The following PLAT variants were observed in gnomAD, a reference collection of about 807,000 sequenced individuals.
PLAT encodes tissue-type plasminogen activator.
Under a neutral mutation model 74.9 loss-of-function variants are expected in PLAT, and 48 were observed. That is an observed-to-expected ratio of 0.64 (90% confidence interval 0.51 to 0.82). PLAT has a LOEUF of 0.82. Ranked by LOEUF, PLAT falls within the 40% of genes least tolerant of loss-of-function variation. The pLI is 0.00. For synonymous variants in PLAT, 307 were observed against 294.4 expected (o/e 1.04, Z -0.44); for missense variants, 673 against 736.2 (o/e 0.91, Z 0.99).
At chr8:42,176,408 G>A (rs1360163784) in intron 13 of PLAT, among the ~76,000 whole-genome samples, 2 of 152,188 alleles carry the variant, frequency 1.3e-5, no homozygotes, top group Non-Finnish European at 2.9e-5. Flanking sequence ...GCCAACTGAG[G>A]ATGTATCTAC....
intron 1 of PLAT, among the ~76,000 whole-genome samples, chr8:42,203,464 C>G (rs1049724646): frequency 6.6e-6 from 1 of 152,178 alleles, no homozygotes; most frequent in Non-Finnish European, 1.5e-5. Flanking sequence ...CAGCCATGAT[C>G]AGCACCACAA....
chr8:42,175,712 T>A lies in PLAT; in HGVS notation c.*281A>T, dbSNP rs1348326217. 6 of 330,246 alleles carry A rather than the reference T, an allele frequency of 1.8e-5. No homozygotes were observed. The highest frequency in any genetic ancestry group is 3.4e-5 in the Non-Finnish European group (6 of 178,928). The allele number at this position is 330,246 out of a possible 1,614,324, so 20.5% of individuals were successfully genotyped here. A position where few individuals can be genotyped will look rare whatever the true frequency, so the allele number is the denominator to read the frequency against. On this transcript the variant is annotated 3_prime_UTR_variant, in exon 14 of 14. Coordinates refer to ENST00000220809, the MANE Select transcript of PLAT (RefSeq NM_000930.5). ...GGCTTTAGCTGAAAACAGGGTGGCA[T>A]GGCCACTTTCTGCCCAGGGAGGAGG...
chr8:42,194,241 A>AGAGAGAGAGAGAGAGAGAGAGAGAGT (rs1419569830), intron 1 of PLAT, among the ~76,000 whole-genome samples: 1 of 52,544 alleles, frequency 1.9e-5, no homozygotes, highest in African/African-American at 6.7e-5. Flanking sequence ...AGAGAGAGAG[A>AGAGAGAGAGAGAGAGAGAGAGAGAGT]GTGTGTGTGT....
At chr8:42,190,244 TG>T (rs1259766193) in intron 3 of PLAT, among the ~76,000 whole-genome samples, 3 of 152,192 alleles carry the variant, frequency 2.0e-5, no homozygotes, top group African/African-American at 7.2e-5. Flanking sequence ...TTTTTCTCAT[TG>T]TAATTCACCA....
chr8:42,180,494 C>T lies in PLAT; in HGVS notation c.1081G>A (p.Glu361Lys), dbSNP rs1202773758. 1 of 1,614,072 alleles carries T rather than the reference C, an allele frequency of 6.2e-7. No homozygotes were observed. The highest frequency in any genetic ancestry group is 8.5e-7 in the Non-Finnish European group (1 of 1,180,048). ...ACTGGGTTTCCGAGCCCCTACCTCT[C>T]CTGGAAGCAGTGGGCGGCAGAGAGA... ...WILSAAHCFQ[E>K]RFPPHHLTVI... The change falls in exon 10 of 14, where the codon GAG (glutamate) becomes AAG (lysine). Residue 361 changes from glutamate (E) to lysine (K), a missense_variant. Physicochemically the swap from Glu to Lys is moderately conservative, Grantham distance 56 (BLOSUM62 1). Transcript: ENST00000220809.
intron 1 of PLAT, among the ~76,000 whole-genome samples, chr8:42,202,333 C>T (rs527359980): frequency 1.3e-5 from 2 of 152,210 alleles, no homozygotes; most frequent in East Asian, 3.9e-4. Context: ...TGTGCCCGGC[C>T]TCTGTTAGCT....
intron 3 of PLAT, among the ~76,000 whole-genome samples, chr8:42,189,466 C>T (rs1208303107): frequency 8.0e-5 from 12 of 150,866 alleles, no homozygotes; most frequent in African/African-American, 2.2e-4. Context: ...TGCAGTGAGC[C>T]GAGATTGTAC....
chr8:42,180,126 A>G (rs1036478598), intron 11 of PLAT, 60 bp from the exon 12 acceptor site: 267 of 1,587,124 alleles, frequency 1.7e-4, no homozygotes, highest in Non-Finnish European at 2.1e-4. Context: ...GAGGGGAGGA[A>G]CACGCAGGAG....
At chr8:42,194,349 C>T (rs183888705) in intron 1 of PLAT, among the ~76,000 whole-genome samples, 4 of 151,366 alleles carry the variant, frequency 2.6e-5, no homozygotes, top group African/African-American at 9.7e-5. Context: ...GATCCTCCTT[C>T]CTCAGCCTCC....
intron 1 of PLAT, among the ~76,000 whole-genome samples, chr8:42,203,992 T>TATATATATATACACACACACAC (rs1554499838): frequency 9.1e-6 from 1 of 109,894 alleles, no homozygotes; most frequent in African/African-American, 5.2e-5. Context: ...TATATATATA[T>TATATATATATACACACACACAC]ACACACACAC....
At chr8:42,180,806 G>A in intron 9 of PLAT, 121 bp from the exon 10 acceptor site, 1 of 678,134 alleles carries the variant, frequency 1.5e-6, no homozygotes, top group Non-Finnish European at 2.5e-6. Context: ...GGATCAGCAT[G>A]CCGAATGTTG....
Position 42,187,638 on chromosome 8 carries a change from C to T in PLAT, c.365-66G>A, listed in dbSNP as rs896228087. On this transcript the variant is annotated intron_variant, in intron 5 of 13. Transcript: ENST00000220809. ...CCTTTCATTCAGCCCTCAGGAGGCTCCCCTCTCTGCCCCGTCCTCCCCCAG... is the reference window on the plus strand; with the variant it reads ...CCTTTCATTCAGCCCTCAGGAGGCTTCCCTCTCTGCCCCGTCCTCCCCCAG... The T allele has an allele frequency of 2.1e-6, 3 of 1,406,240 alleles. No individual in the cohort carries two copies. The East Asian group carries it at 7.1e-5, about 33-fold the overall frequency. 87.1% of individuals were successfully genotyped at this position (1,406,240 alleles called of 1,614,324 possible).
intron 1 of PLAT, among the ~76,000 whole-genome samples, chr8:42,197,490 C>T (rs1805953420): frequency 6.6e-6 from 1 of 152,156 alleles, no homozygotes; most frequent in African/African-American, 2.4e-5. Flanking sequence ...GTACTGTTTC[C>T]CAGAGCCAAG....
chr8:42,198,777 A>G (rs902628508), intron 1 of PLAT, among the ~76,000 whole-genome samples: 6 of 152,218 alleles, frequency 3.9e-5, no homozygotes, highest in Non-Finnish European at 8.8e-5. Context: ...GCTTAGCAAA[A>G]GGTCTCTCTG....
rs771942968 is a variant in PLAT, at chr8:42,175,986, T to C, written c.*7A>G. On this transcript the variant is annotated 3_prime_UTR_variant, in exon 14 of 14. Transcript: ENST00000220809. ...TCATTTGCTTTTGAGGAGTCGGGTG[T>C]TCCTGGTCACGGTCGCATGTTGTCA... 2 of 1,613,870 alleles carry C rather than the reference T, an allele frequency of 1.2e-6. No individual in the cohort carries two copies. The highest frequency in any genetic ancestry group is 2.2e-5 in the South Asian group (2 of 91,058).
intron 1 of PLAT, among the ~76,000 whole-genome samples, chr8:42,203,992 T>TATATATATATATATATAC (rs1554499838): frequency 4.6e-5 from 5 of 109,862 alleles, no homozygotes; most frequent in African/African-American, 2.6e-4. Context: ...TATATATATA[T>TATATATATATATATATAC]ACACACACAC....
At chr8:42,192,007 T>C (rs890767489) in intron 2 of PLAT, among the ~76,000 whole-genome samples, 43 of 149,964 alleles carry the variant, frequency 2.9e-4, no homozygotes, top group East Asian at 1.6e-3. Context: ...TTTTTCTTTT[T>C]TTTTTTTTTT....
intron 1 of PLAT, among the ~76,000 whole-genome samples, chr8:42,198,395 G>A: frequency 6.6e-6 from 1 of 152,224 alleles, no homozygotes; most frequent in East Asian, 1.9e-4. Context: ...AGGAGGCTGA[G>A]GCAGGAGAAT....
chr8:42,202,277 C>T (rs1245562489), intron 1 of PLAT, among the ~76,000 whole-genome samples: 2 of 151,920 alleles, frequency 1.3e-5, no homozygotes, highest in East Asian at 1.9e-4. Context: ...TCAAGCAACC[C>T]GCCCACCTCG....
Sources: allele counts gnomAD v4.1 joint callset (sites outside exome capture counted in the v4.1 genomes callset), GRCh38; gene constraint gnomAD v4.1.1; transcripts MANE v1.5; gene names NCBI Gene and HGNC (gene_info 2026-07-23, HGNC 2026-07-21).